The following ATRNL1 variants were observed in gnomAD, a reference collection of about 807,000 sequenced individuals.
ATRNL1 encodes attractin-like protein 1.
Under a neutral mutation model 182.7 loss-of-function variants are expected in ATRNL1, and 95 were observed. The observed-to-expected ratio is 0.52, with a 90% CI of 0.44 to 0.62. ATRNL1 has a LOEUF of 0.62. ATRNL1 is among the 20% of genes least tolerant of loss of function. The pLI is 0.00. For missense variants in ATRNL1, 1,471 were observed against 1,679.5 expected (o/e 0.88, Z 2.17); for synonymous variants, 576 against 568.3 (o/e 1.01, Z -0.19).
intron 13 of ATRNL1, among the ~76,000 whole-genome samples, 155 bp from the exon 14 acceptor site, chr10:115,281,199 TA>T (rs1190495763): frequency 1.9e-4 from 29 of 152,204 alleles, no homozygotes; most frequent in African/African-American, 6.5e-4. Context: ...TTTAATAAAC[TA>T]ATGAAATAAA....
At chr10:115,836,158 A>G in intron 27 of ATRNL1, among the ~76,000 whole-genome samples, 1 of 152,182 alleles carries the variant, frequency 6.6e-6, no homozygotes, top group East Asian at 1.9e-4. Context: ...AACTAAGTGA[A>G]TCTCCCTCTT....
At chr10:115,212,662 C>T (rs1849076568) in intron 8 of ATRNL1, among the ~76,000 whole-genome samples, 1 of 151,982 alleles carries the variant, frequency 6.6e-6, no homozygotes, top group African/African-American at 2.4e-5. Flanking sequence ...GAATATTATG[C>T]AGCCACGAAA....
intron 5 of ATRNL1, among the ~76,000 whole-genome samples, chr10:115,159,355 A>G (rs1205174142): frequency 2.0e-5 from 3 of 151,540 alleles, no homozygotes; most frequent in African/African-American, 7.2e-5. Context: ...GGAAACCAAG[A>G]CTTATGAGTA....
chr10:115,648,053 A>G (rs1432722030), intron 26 of ATRNL1, among the ~76,000 whole-genome samples: 1 of 152,090 alleles, frequency 6.6e-6, no homozygotes, highest in African/African-American at 2.4e-5. Context: ...TAAATAGGGA[A>G]TTTTTTCCCC....
chr10:115,784,618 T>C (rs868990842), intron 27 of ATRNL1, among the ~76,000 whole-genome samples: 2 of 152,198 alleles, frequency 1.3e-5, no homozygotes, highest in Non-Finnish European at 2.9e-5. Flanking sequence ...TTGGTTTCTT[T>C]TGGAGGCTCT....
rs371825966 is a variant in ATRNL1 at position 115,224,771 on chromosome 10, A to T, written c.1532+8891A>T. Among the ~76,000 whole-genome samples the T allele has an allele frequency of 2.8e-4, 42 of 152,324 alleles. No individual in the cohort carries two copies. The South Asian group carries it at 8.7e-3, about 32-fold the overall frequency. On this transcript the variant is annotated intron_variant, in intron 9 of 28. Coordinates refer to ENST00000355044, the MANE Select transcript of ATRNL1 (RefSeq NM_207303.4). ...TTTCTAGAAAAACAAAACTTACCAG[A>T]ATTGACACATACATGAACATTGAAA...
intron 27 of ATRNL1, among the ~76,000 whole-genome samples, chr10:115,751,350 A>G (rs1948443001): frequency 6.6e-6 from 1 of 152,066 alleles, no homozygotes. Context: ...GATTTCCAGA[A>G]CTGTAAGATA....
intron 28 of ATRNL1, among the ~76,000 whole-genome samples, chr10:115,888,116 C>G (rs946130849): frequency 6.6e-6 from 1 of 152,120 alleles, no homozygotes; most frequent in Non-Finnish European, 1.5e-5. Flanking sequence ...TGTTCTGTGC[C>G]GAGTTCTCTA....
chr10:115,278,310 A>G (rs1852196463), intron 13 of ATRNL1, among the ~76,000 whole-genome samples: 2 of 152,258 alleles, frequency 1.3e-5, no homozygotes, highest in African/African-American at 2.4e-5. Flanking sequence ...TAACTTGTTA[A>G]AAGAAAAACT....
chr10:115,423,349 C>A (rs1487558592), intron 20 of ATRNL1, among the ~76,000 whole-genome samples: 1 of 151,986 alleles, frequency 6.6e-6, no homozygotes, highest in Non-Finnish European at 1.5e-5. Context: ...GCCTGGCCAA[C>A]ACGGCAAAAC....
chr10:115,625,305 C>T (rs1858022166), intron 26 of ATRNL1, among the ~76,000 whole-genome samples: 1 of 152,054 alleles, frequency 6.6e-6, no homozygotes, highest in African/African-American at 2.4e-5. Flanking sequence ...GAAGAGTTGT[C>T]ACTGTAAATT....
intron 24 of ATRNL1, among the ~76,000 whole-genome samples, chr10:115,483,655 T>C (rs1554974607): frequency 2.0e-5 from 3 of 151,552 alleles, no homozygotes; most frequent in African/African-American, 7.2e-5. Flanking sequence ...AATCTAGATG[T>C]TAGAAGAAAT....
At chr10:115,268,536 G>T (rs1022385634) in intron 13 of ATRNL1, 92 bp downstream of exon 13, 2 of 873,454 alleles carry the variant, frequency 2.3e-6, no homozygotes, top group African/African-American at 1.7e-5. Context: ...TAGAAAAAAA[G>T]CACTTTACAC....
chr10:115,630,843 C>CACAG (rs1555026106), intron 26 of ATRNL1, among the ~76,000 whole-genome samples: 1 of 136,516 alleles, frequency 7.3e-6, no homozygotes, highest in African/African-American at 3.2e-5. Flanking sequence ...CACACACACA[C>CACAG]ACACACACAC....
intron 26 of ATRNL1, among the ~76,000 whole-genome samples, chr10:115,639,145 A>G (rs903260970): frequency 6.6e-6 from 1 of 152,188 alleles, no homozygotes; most frequent in Admixed American, 6.5e-5. Flanking sequence ...AAAATCTTAA[A>G]AGCAACCAGA....
intron 5 of ATRNL1, 37 bp from the exon 6 acceptor site, chr10:115,160,003 T>A (rs1846701818): frequency 1.4e-6 from 2 of 1,478,874 alleles, no homozygotes; most frequent in Admixed American, 4.3e-5. Context: ...GAGGGCTTTG[T>A]TTAATCTAGT....
chr10:115,534,044 T>TAGGTG (rs1312467849), intron 25 of ATRNL1, among the ~76,000 whole-genome samples: 1 of 151,602 alleles, frequency 6.6e-6, no homozygotes, highest in Non-Finnish European at 1.5e-5. Flanking sequence ...AATTTTGGAA[T>TAGGTG]AGGTGTGGTG....
chr10:115,784,335 A>G lies in ATRNL1; in HGVS notation c.3903+56980A>G, dbSNP rs1949344145. On this transcript the variant is annotated intron_variant, in intron 27 of 28. Coordinates refer to ENST00000355044, the MANE Select transcript of ATRNL1 (RefSeq NM_207303.4). ...CATAAACGATTGTGGGGGTAATCAC[A>G]TATTAAGACATAATGTCAATAAAAC... 2.6e-5 allele frequency among the ~76,000 whole-genome samples: 4 copies of G among 152,204 alleles called. No homozygotes were observed. In the South Asian group the frequency reaches 8.3e-4, roughly 32 times the overall value.
chr10:115,945,799 C>T lies in ATRNL1; in HGVS notation c.*1020C>T, dbSNP rs896287844. The T allele has an allele frequency of 2.6e-5, 4 of 152,130 alleles. No individual in the cohort carries two copies. Among genetic ancestry groups the T allele is most frequent in the Non-Finnish European group, 5.9e-5 (4 of 68,038 alleles). 9.4% of individuals were successfully genotyped at this position (152,130 alleles called of 1,614,324 possible). A position where few individuals can be genotyped will look rare whatever the true frequency, so the allele number is the denominator to read the frequency against. On this transcript the variant is annotated 3_prime_UTR_variant, in exon 29 of 29. Coordinates refer to ENST00000355044, the MANE Select transcript of ATRNL1 (RefSeq NM_207303.4). ...CCTGAGTTCCTTCCTGCCAACTGTT[C>T]CACCTAGAATACAAGTAGAGAAGAG...
Sources: allele counts gnomAD v4.1 joint callset (sites outside exome capture counted in the v4.1 genomes callset), GRCh38; gene constraint gnomAD v4.1.1; transcripts MANE v1.5; gene names NCBI Gene and HGNC (gene_info 2026-07-23, HGNC 2026-07-21).